SLC49A4: variants seen among roughly 807,000 people sequenced by gnomAD.
The protein encoded by SLC49A4 is disrupted in renal cancer protein 2.
In SLC49A4, 36 loss-of-function variants were observed where a neutral mutation model predicts 50.6. That is an observed-to-expected ratio of 0.71 (90% CI 0.55 to 0.94). The LOEUF is 0.94. Among genes scored for constraint, SLC49A4 ranks in the 40% least tolerant of loss-of-function variants. SLC49A4 has a pLI of 0.00. For synonymous variants in SLC49A4, 248 were observed against 241.2 expected, an observed-to-expected ratio of 1.03 and a Z score of -0.26; for missense variants, 503 against 605.7, an observed-to-expected ratio of 0.83 and a Z score of 1.78.
At chr3:122,876,421 T>C (rs1937269190) in intron 8 of SLC49A4, among the ~76,000 whole-genome samples, 2 of 152,178 alleles carry the variant, frequency 1.3e-5, no homozygotes, top group Non-Finnish European at 2.9e-5. Flanking sequence ...AGGCATTGAC[T>C]AATGGTTACC....
intron 4 of SLC49A4, among the ~76,000 whole-genome samples, chr3:122,836,743 T>C (rs998178230): frequency 1.1e-4 from 17 of 152,100 alleles, no homozygotes; most frequent in African/African-American, 3.6e-4. Flanking sequence ...AAATAAAGGG[T>C]ATTCAATTAG....
At chr3:122,870,513 G>A (rs959276194) in intron 7 of SLC49A4, among the ~76,000 whole-genome samples, 3 of 150,656 alleles carry the variant, frequency 2.0e-5, no homozygotes, top group African/African-American at 2.4e-5. Flanking sequence ...CAGCTTGATC[G>A]ATAGATTATT....
At chr3:122,814,906 C>A (rs1254700889) in intron 2 of SLC49A4, among the ~76,000 whole-genome samples, 1 of 152,018 alleles carries the variant, frequency 6.6e-6, no homozygotes, top group African/African-American at 2.4e-5. Flanking sequence ...AGATTGGACA[C>A]CCCTGGTCTA....
intron 2 of SLC49A4, among the ~76,000 whole-genome samples, chr3:122,809,903 A>G (rs760935644): frequency 4.6e-5 from 7 of 152,222 alleles, no homozygotes; most frequent in Non-Finnish European, 8.8e-5. Context: ...GTCTTTAAGC[A>G]TATCTTTTAA....
At chr3:122,868,106 C>T (rs1937142854) in intron 7 of SLC49A4, among the ~76,000 whole-genome samples, 1 of 150,712 alleles carries the variant, frequency 6.6e-6, no homozygotes, top group Non-Finnish European at 1.5e-5. Flanking sequence ...CAGAGCGAGA[C>T]TCCGTCTCCA....
At chr3:122,806,336 A>G (rs1936216977) in intron 1 of SLC49A4, among the ~76,000 whole-genome samples, 2 of 152,280 alleles carry the variant, frequency 1.3e-5, no homozygotes, top group South Asian at 2.1e-4. Context: ...CATCTTTGAT[A>G]TGAACATTCC....
chr3:122,802,570 A>C (rs1453575227), intron 1 of SLC49A4, among the ~76,000 whole-genome samples: 1 of 152,198 alleles, frequency 6.6e-6, no homozygotes, highest in African/African-American at 2.4e-5. Context: ...CAGGCTGGGA[A>C]TAGTTCATGT....
intron 3 of SLC49A4, among the ~76,000 whole-genome samples, chr3:122,829,935 A>G (rs1189687751): frequency 6.6e-6 from 1 of 152,234 alleles, no homozygotes; most frequent in South Asian, 2.1e-4. Flanking sequence ...ATGATCTTGA[A>G]TATAGAAAAT....
chr3:122,814,199 C>T (rs563551372), intron 2 of SLC49A4, among the ~76,000 whole-genome samples: 28 of 152,184 alleles, frequency 1.8e-4, no homozygotes, highest in Middle Eastern at 3.4e-3. Context: ...ACCTGGGAGG[C>T]GGAGGTTACA....
Position 122,807,197 on chromosome 3 carries a change from C to G in SLC49A4, c.437+247C>G, listed in dbSNP as rs1244511879. Among the ~76,000 whole-genome samples the G allele has an allele frequency of 4.1e-5, 6 of 145,992 alleles. No individual in the cohort carries two copies. In the South Asian group the frequency reaches 1.3e-3, roughly 32 times the overall value. On this transcript the variant is annotated intron_variant, in intron 2 of 8. Transcript: ENST00000261038. ...ATGTGAAAATAATAGTATAACATAC[C>G]ATTTGTAAGTATAATAATATAACAT...
At chr3:122,853,642 C>T (rs1193848395) in intron 5 of SLC49A4, among the ~76,000 whole-genome samples, 2 of 152,180 alleles carry the variant, frequency 1.3e-5, no homozygotes, top group African/African-American at 2.4e-5. Flanking sequence ...CGCCTGTAAT[C>T]CCAGCTACTT....
chr3:122,846,047 G>A (rs545615750), intron 5 of SLC49A4, among the ~76,000 whole-genome samples, 176 bp downstream of exon 5: 1 of 152,228 alleles, frequency 6.6e-6, no homozygotes, highest in South Asian at 2.1e-4. Context: ...TTTCCTCCTT[G>A]ATTTTGACAA....
intron 8 of SLC49A4, among the ~76,000 whole-genome samples, chr3:122,876,590 T>TG (rs1937270954): frequency 6.6e-6 from 1 of 152,238 alleles, no homozygotes; most frequent in Non-Finnish European, 1.5e-5. Flanking sequence ...GTCAGCTGGC[T>TG]GCTCACCTTG....
At chr3:122,872,964 C>T (rs1360976608) in intron 8 of SLC49A4, among the ~76,000 whole-genome samples, 1 of 152,082 alleles carries the variant, frequency 6.6e-6, no homozygotes, top group African/African-American at 2.4e-5. Flanking sequence ...TTTTTAAAAA[C>T]TACTTCGAAT....
intron 5 of SLC49A4, among the ~76,000 whole-genome samples, chr3:122,855,041 C>G (rs530758581): frequency 6.6e-6 from 1 of 151,040 alleles, no homozygotes; most frequent in East Asian, 1.9e-4. Context: ...TACAGTGAGC[C>G]GAGATCGTGC....
At chr3:122,862,010 C>G (rs937891883) in intron 7 of SLC49A4, among the ~76,000 whole-genome samples, 1 of 152,150 alleles carries the variant, frequency 6.6e-6, no homozygotes, top group African/African-American at 2.4e-5. Flanking sequence ...CACACAAGTA[C>G]CACACAAAAA....
chr3:122,859,015 G>T (rs907025985), intron 6 of SLC49A4, among the ~76,000 whole-genome samples: 1 of 152,134 alleles, frequency 6.6e-6, no homozygotes, highest in East Asian at 1.9e-4. Context: ...TGTATGTTTT[G>T]TTCTCAAGAA....
chr3:122,799,032 A>G (rs1450514741), intron 1 of SLC49A4, among the ~76,000 whole-genome samples: 1 of 152,096 alleles, frequency 6.6e-6, no homozygotes, highest in African/African-American at 2.4e-5. Context: ...GGAGACAGAA[A>G]AGGACTAGCC....
intron 4 of SLC49A4, among the ~76,000 whole-genome samples, chr3:122,838,641 G>T (rs963321233): frequency 1.3e-5 from 2 of 151,846 alleles, no homozygotes; most frequent in Admixed American, 6.6e-5. Flanking sequence ...CACCAACATG[G>T]CACATGTATA....
Sources: gnomAD v4.1 joint callset for allele counts (sites outside exome capture counted in the v4.1 genomes callset) on GRCh38, gnomAD v4.1.1 for gene constraint, MANE v1.5 for transcripts, NCBI Gene and HGNC (gene_info 2026-07-23, HGNC 2026-07-21) for gene names.